SMG6: variants seen among roughly 807,000 people sequenced by gnomAD.
SMG6 encodes the protein SMG6 nonsense mediated mRNA decay factor.
In SMG6, 66 loss-of-function variants were observed where a neutral mutation model predicts 142.2. The ratio of observed to expected loss-of-function variants is 0.46; its 90% CI spans 0.38 to 0.57. SMG6 has a LOEUF of 0.57. SMG6 is among the 20% of genes least tolerant of loss of function. The probability of loss-of-function intolerance (pLI) is 0.00; values close to 1 mark genes in which losing one functional copy is unlikely to be tolerated. For synonymous variants in SMG6, 779 were observed against 702.4 expected (o/e 1.11, Z -1.72); for missense variants, 1,793 against 1,832.0 (o/e 0.98, Z 0.39).
intron 13 of SMG6, among the ~76,000 whole-genome samples, chr17:2,150,003 C>T (rs2070777843): frequency 6.6e-6 from 1 of 152,184 alleles, no homozygotes; most frequent in Non-Finnish European, 1.5e-5. Flanking sequence ...CTTCTTCCCC[C>T]AACTGCATCC....
At chr17:2,066,334 G>T (rs901041200) in intron 16 of SMG6, among the ~76,000 whole-genome samples, 3 of 151,486 alleles carry the variant, frequency 2.0e-5, no homozygotes, top group Non-Finnish European at 4.4e-5. Flanking sequence ...ATGTGTGTAT[G>T]TGTATGCGTG....
intron 8 of SMG6, among the ~76,000 whole-genome samples, chr17:2,256,972 GTATT>G (rs981909107): frequency 2.9e-5 from 3 of 104,236 alleles, no homozygotes; most frequent in Non-Finnish European, 6.7e-5. Context: ...ATGTATGTAT[GTATT>G]TATTTATTTA....
rs754778176 is a variant in SMG6, at chr17:2,292,991, A to C, written c.2152-14T>G. On this transcript the variant is annotated splice_polypyrimidine_tract_variant and intron_variant, in intron 4 of 18. Coordinates refer to ENST00000263073, the MANE Select transcript of SMG6 (RefSeq NM_017575.5). ...GGCATATTTTACCTTCAGGAAAAAC[A>C]ACCAGTTAGTAGAAAAGCCAAGAAA... 9.4e-6 allele frequency: 15 copies of C among 1,588,528 alleles called. No homozygotes were observed. Among genetic ancestry groups the C allele is most frequent in the Non-Finnish European group, 1.1e-5 (13 of 1,156,818 alleles).
chr17:2,203,002 G>C lies in SMG6; in HGVS notation c.2870-14487C>G, dbSNP rs757161984. On this transcript the variant is annotated intron_variant, in intron 10 of 18. Transcript: ENST00000263073. Reference sequence around the variant, plus strand: ...CCTTCTTCTTTATATAGGACTCCAGGGCCAAGAAATGTCCTGGGGGCTCTA... The same window carrying C: ...CCTTCTTCTTTATATAGGACTCCAGCGCCAAGAAATGTCCTGGGGGCTCTA... Among the ~76,000 whole-genome samples the C allele has an allele frequency of 7.4e-4, 112 of 151,988 alleles. 1 individual carries two copies. The highest frequency in any genetic ancestry group is 1.5e-4 in the Non-Finnish European group (10 of 67,988).
At position 2,300,291 on chromosome 17, in the gene SMG6, A is replaced by C. The variant is rs1597242209; in HGVS notation, c.462T>G (p.Thr154=). 3 of 1,614,098 alleles carry C rather than the reference A, an allele frequency of 1.9e-6. No individual in the cohort carries two copies. The highest frequency in any genetic ancestry group is 1.1e-5 in the South Asian group (1 of 91,080). ...QIYQPGRRLQ[T]VSKESASRVE... is the part of the protein sequence containing the mutation. ...CCCGACTGGCGGATTCTTTGCTAAC[A>C]GTCTGCAAACGTCGTCCAGGCTGAT... The change falls in exon 2 of 19, where the codon ACT becomes ACG. Residue 154 remains threonine (T), a synonymous_variant. Transcript: ENST00000263073.
rs576102060 is a variant in SMG6, at chr17:2,236,467, G to C, written c.2869+25C>G. On this transcript the variant is annotated intron_variant, in intron 10 of 18. Coordinates refer to ENST00000263073, the MANE Select transcript of SMG6 (RefSeq NM_017575.5). ...TTAATCTCTATCTGTCTATATTCTA[G>C]ATGAAGAAACTAAACATGCCTTACC... 10 of 1,605,712 alleles carry C rather than the reference G, an allele frequency of 6.2e-6. No homozygotes were observed. In the South Asian group the frequency reaches 8.9e-5, roughly 14 times the overall value.
chr17:2,061,365 G>T lies in SMG6; in HGVS notation c.*127C>A. The T allele has an allele frequency of 1.1e-6, 1 of 941,594 alleles. No homozygotes were observed. The highest frequency in any genetic ancestry group is 1.6e-6 in the Non-Finnish European group (1 of 637,522). The allele number at this position is 941,594 out of a possible 1,614,324, so 58.3% of individuals were successfully genotyped here. A position where few individuals can be genotyped will look rare whatever the true frequency, so the allele number is the denominator to read the frequency against. ...CCACAGCATGGCCGTGGCGTGGGTT[G>T]GAAGAGGATGGTTTATTGTCTGGGT... is the stretch of plus-strand genomic sequence containing the variant. On this transcript the variant is annotated 3_prime_UTR_variant, in exon 19 of 19. Transcript: ENST00000263073.
Position 2,188,414 on chromosome 17 carries a change from T to G in SMG6, c.2971A>C (p.Lys991Gln). Reference protein sequence around the residue: ...LLVRRCTCLLKESAKAQLSSP... With the variant: ...LLVRRCTCLLQESAKAQLSSP... The stretch of plus-strand genomic sequence containing the variant: ...TCCTGCTTACCTTTGGCGGACTCCT[T>G]AAGTAAGCAGGTGCAGCGGCGGACC... Residue 991 changes from lysine (K) to glutamine (Q), a missense_variant, in exon 11 of 19, where the codon AAG becomes CAG. This residue lies in a region of SMG6 where 1,597 missense variants were observed against 1,584.6 expected (regional missense o/e 1.01). Coordinates refer to ENST00000263073, the MANE Select transcript of SMG6 (RefSeq NM_017575.5). 1 of 1,613,736 alleles carries G rather than the reference T, an allele frequency of 6.2e-7. No homozygotes were observed. Among genetic ancestry groups the G allele is most frequent in the Non-Finnish European group, 8.5e-7 (1 of 1,179,910 alleles).
intron 15 of SMG6, among the ~76,000 whole-genome samples, chr17:2,075,176 T>TG (rs1488524353): frequency 6.6e-6 from 1 of 152,016 alleles, no homozygotes; most frequent in Admixed American, 6.6e-5. Context: ...CATACAGGTG[T>TG]GGGGGGCTCT....
At chr17:2,103,485 C>G (rs2069068401) in intron 13 of SMG6, among the ~76,000 whole-genome samples, 1 of 152,170 alleles carries the variant, frequency 6.6e-6, no homozygotes, top group Non-Finnish European at 1.5e-5. Context: ...AAACAGCGGA[C>G]CAGTTTATAA....
intron 12 of SMG6, among the ~76,000 whole-genome samples, chr17:2,179,948 T>C (rs1015682256): frequency 1.3e-5 from 2 of 152,130 alleles, no homozygotes; most frequent in African/African-American, 4.8e-5. Flanking sequence ...TGGGCTAGGT[T>C]TGGATGTTCT....
At chr17:2,176,544 T>C (rs146110392) in intron 12 of SMG6, among the ~76,000 whole-genome samples, 5 of 152,106 alleles carry the variant, frequency 3.3e-5, no homozygotes, top group Non-Finnish European at 7.3e-5. Context: ...GTCCACAATA[T>C]CCCGCTAAAG....
In SMG6 at chr17:2,298,990, G is replaced by A; in HGVS notation, c.1763C>T (p.Ala588Val). 1 of 1,614,180 alleles carries A rather than the reference G, an allele frequency of 6.2e-7. No individual in the cohort carries two copies. Reference sequence around the variant, plus strand: ...GCTGAGCTGCAGTTCCTGGTTGTCAGCCACCCGGAGAAGCCTGTGCAGCTC... The same window carrying A: ...GCTGAGCTGCAGTTCCTGGTTGTCAACCACCCGGAGAAGCCTGTGCAGCTC... ...QQELHRLLRV[A>V]DNQELQLSNL... Residue 588 changes from alanine to valine, a missense_variant, in exon 2 of 19, where the codon GCT becomes GTT. Coordinates refer to ENST00000263073, the MANE Select transcript of SMG6 (RefSeq NM_017575.5).
Position 2,071,913 on chromosome 17 carries a change from C to T in SMG6, c.3682-2982G>A, listed in dbSNP as rs2068112826. 1 of 152,258 alleles carries T rather than the reference C, an allele frequency of 6.6e-6. No homozygotes were observed. Among genetic ancestry groups the T allele is most frequent in the African/African-American group, 2.4e-5 (1 of 41,398 alleles). The allele number at this position is 152,258 out of a possible 1,614,324, so 9.4% of individuals were successfully genotyped here. On this transcript the variant is annotated intron_variant, in intron 15 of 18. Coordinates refer to ENST00000263073, the MANE Select transcript of SMG6 (RefSeq NM_017575.5). This position sits in a 1 kb window ranked among gnomAD's most constrained non-coding sequence, Gnocchi z 5.6. ...TTAGCATCTGCCCTCCCAACTTTTC[C>T]AGATTTTACCCGTCAGATTCCTGGC...
At chr17:2,285,963 C>T (rs1331810465) in intron 6 of SMG6, among the ~76,000 whole-genome samples, 3 of 151,922 alleles carry the variant, frequency 2.0e-5, no homozygotes, top group Non-Finnish European at 4.4e-5. Context: ...GGTCAGACAC[C>T]CCACCTGGCC....
intron 9 of SMG6, chr17:2,236,966 C>T: frequency 2.2e-6 from 1 of 457,440 alleles, no homozygotes; most frequent in Non-Finnish European, 3.0e-6. Context: ...AAGTTTCTCT[C>T]TGAAACCATC....
chr17:2,258,939 G>T (rs960196973), intron 8 of SMG6, among the ~76,000 whole-genome samples: 2 of 152,038 alleles, frequency 1.3e-5, no homozygotes, highest in African/African-American at 4.8e-5. Context: ...TGAGCACGGT[G>T]TGGTGGCATG....
intron 8 of SMG6, among the ~76,000 whole-genome samples, chr17:2,268,638 G>A (rs1425672243): frequency 6.6e-6 from 1 of 152,204 alleles, no homozygotes; most frequent in African/African-American, 2.4e-5. Flanking sequence ...TAGGCCGGGA[G>A]CGGTGGCTCA....
chr17:2,172,788 A>G lies in SMG6; in HGVS notation c.3227T>C (p.Val1076Ala). ...ATCATCCGGGTCCTTGTACAGTGGC[A>G]CCTCAGACTGATTCACTGCAGTCAG... ...NILTAVNQSE[V>A]PLYKDPDDDL... The change falls in exon 13 of 19, where the codon GTG becomes GCG. Residue 1076 changes from valine to alanine, a missense_variant. Val to Ala is a moderately conservative substitution (Grantham distance 64). Transcript: ENST00000263073. 1 of 1,614,156 alleles carries G rather than the reference A, an allele frequency of 6.2e-7. No individual in the cohort carries two copies. Among genetic ancestry groups the G allele is most frequent in the Non-Finnish European group, 8.5e-7 (1 of 1,180,036 alleles).
Sources: gnomAD v4.1 joint callset for allele counts (sites outside exome capture counted in the v4.1 genomes callset) on GRCh38, gnomAD v4.1.1 for gene constraint, gnomAD v4.1.1 regional missense constraint, Gnocchi (gnomAD v3.1) non-coding constraint, MANE v1.5 for transcripts, NCBI Gene and HGNC (gene_info 2026-07-23, HGNC 2026-07-21) for gene names.